The following IGSF11 variants were observed in gnomAD, a reference collection of about 807,000 sequenced individuals.
The protein encoded by IGSF11 is CXADR like 1.
In IGSF11, 22 loss-of-function variants were observed where a neutral mutation model predicts 41.0. The observed-to-expected ratio is 0.54, with a 90% confidence interval of 0.38 to 0.77. The LOEUF is 0.77. Ranked by LOEUF, IGSF11 falls within the 30% of genes least tolerant of loss-of-function variation. The pLI is 0.00. For missense variants in IGSF11, 444 were observed against 530.8 expected (o/e 0.84, Z 1.61); for synonymous variants, 219 against 201.3 (o/e 1.09, Z -0.74).
chr3:119,132,934 A>C (rs1468400904), intron 1 of IGSF11, among the ~76,000 whole-genome samples: 3 of 152,220 alleles, frequency 2.0e-5, no homozygotes, highest in Non-Finnish European at 4.4e-5. Flanking sequence ...ACACAACTAC[A>C]TGGAAACTGA....
chr3:118,945,202 G>GA (rs1297022594), intron 1 of IGSF11, among the ~76,000 whole-genome samples: 2 of 151,566 alleles, frequency 1.3e-5, no homozygotes, highest in Admixed American at 6.6e-5. Flanking sequence ...AATAAGCAGG[G>GA]AAAAAAAACC....
intron 1 of IGSF11, among the ~76,000 whole-genome samples, chr3:119,081,664 A>G (rs1370040462): frequency 6.6e-6 from 1 of 152,202 alleles, no homozygotes; most frequent in Non-Finnish European, 1.5e-5. Flanking sequence ...AGGGAGCCTC[A>G]ATTTCCTTAC....
chr3:119,076,127 C>A (rs1336799027), intron 1 of IGSF11, among the ~76,000 whole-genome samples: 1 of 152,214 alleles, frequency 6.6e-6, no homozygotes, highest in Non-Finnish European at 1.5e-5. Context: ...ACCATCTGAT[C>A]TTTGACAAAA....
chr3:119,046,294 C>T (rs1411213334), intron 1 of IGSF11, among the ~76,000 whole-genome samples: 3 of 151,250 alleles, frequency 2.0e-5, no homozygotes, highest in Non-Finnish European at 4.4e-5. Flanking sequence ...CAGAGAAGTG[C>T]TTAAAGGAGC....
At chr3:119,047,952 G>A (rs1052902603) in intron 1 of IGSF11, among the ~76,000 whole-genome samples, 3 of 152,050 alleles carry the variant, frequency 2.0e-5, no homozygotes, top group Admixed American at 1.3e-4. Flanking sequence ...AAACCAACGA[G>A]AACAAAGACA....
chr3:119,102,110 A>G (rs1370928892), intron 1 of IGSF11, among the ~76,000 whole-genome samples: 1 of 152,058 alleles, frequency 6.6e-6, no homozygotes, highest in African/African-American at 2.4e-5. Flanking sequence ...TGTAACCTCC[A>G]TGTTTATTTT....
intron 1 of IGSF11, among the ~76,000 whole-genome samples, chr3:119,043,097 C>A (rs1041459355): frequency 2.6e-5 from 4 of 152,174 alleles, no homozygotes; most frequent in Non-Finnish European, 4.4e-5. Flanking sequence ...GACTAGCGTT[C>A]AGCTTGATTT....
intron 1 of IGSF11, among the ~76,000 whole-genome samples, chr3:118,940,712 T>C (rs1048527542): frequency 6.6e-6 from 1 of 151,984 alleles, no homozygotes; most frequent in African/African-American, 2.4e-5. Context: ...TAGAATAGAA[T>C]AATTTTCAAG....
intron 1 of IGSF11, among the ~76,000 whole-genome samples, chr3:119,019,839 T>A (rs1239449021): frequency 6.6e-6 from 1 of 152,160 alleles, no homozygotes; most frequent in Non-Finnish European, 1.5e-5. Context: ...CTGATTGCTA[T>A]AGACTGAATG....
At chr3:119,084,966 G>T (rs1408961861) in intron 1 of IGSF11, among the ~76,000 whole-genome samples, 2 of 151,976 alleles carry the variant, frequency 1.3e-5, no homozygotes, top group Non-Finnish European at 2.9e-5. Context: ...ACAGGCTGGT[G>T]TGGAACCTAG....
chr3:118,920,195 G>T (rs1941621883), intron 4 of IGSF11, among the ~76,000 whole-genome samples: 1 of 149,502 alleles, frequency 6.7e-6, no homozygotes. Flanking sequence ...CACCAGCATG[G>T]CACATGTATA....
chr3:118,930,083 A>G (rs1942717060), intron 2 of IGSF11, 29 bp downstream of exon 2: 1 of 1,593,506 alleles, frequency 6.3e-7, no homozygotes, highest in African/African-American at 1.3e-5. Context: ...TTAACCTTTT[A>G]GAGGTAGCAC....
At chr3:119,137,902 CA>C (rs796827509) in intron 1 of IGSF11, among the ~76,000 whole-genome samples, 55 of 152,104 alleles carry the variant, frequency 3.6e-4, no homozygotes, top group South Asian at 2.7e-3. Context: ...GCAAAAGATC[CA>C]AATACACATT....
intron 1 of IGSF11, among the ~76,000 whole-genome samples, chr3:119,142,891 G>A (rs556726611): frequency 1.2e-4 from 18 of 152,166 alleles, no homozygotes; most frequent in African/African-American, 3.6e-4. Flanking sequence ...GATACTGAAG[G>A]TGAACAGTCA....
chr3:118,996,448 A>T (rs963604310), intron 1 of IGSF11, among the ~76,000 whole-genome samples: 3 of 152,126 alleles, frequency 2.0e-5, no homozygotes, highest in Non-Finnish European at 4.4e-5. Flanking sequence ...TTATACCTTG[A>T]TTTCTACAAC....
intron 1 of IGSF11, among the ~76,000 whole-genome samples, chr3:119,020,425 C>G (rs796088309): frequency 6.6e-6 from 1 of 152,192 alleles, no homozygotes; most frequent in Non-Finnish European, 1.5e-5. Flanking sequence ...CTCCAAAGAA[C>G]ACATACTACC....
chr3:118,982,212 G>C (rs976374971), intron 1 of IGSF11, among the ~76,000 whole-genome samples: 18 of 152,170 alleles, frequency 1.2e-4, no homozygotes, highest in East Asian at 3.9e-4. Flanking sequence ...AGCATCTAAG[G>C]CCATCTCCCT....
At chr3:119,024,945 A>T (rs981845969) in intron 1 of IGSF11, among the ~76,000 whole-genome samples, 1 of 152,196 alleles carries the variant, frequency 6.6e-6, no homozygotes, top group Admixed American at 6.5e-5. Context: ...TGTCCGTGAT[A>T]CAAAGGATTG....
intron 1 of IGSF11, among the ~76,000 whole-genome samples, chr3:118,975,190 G>C (rs146162130): frequency 8.4e-4 from 127 of 152,002 alleles, no homozygotes; most frequent in Middle Eastern, 3.4e-3. Context: ...ATTTTGCCTT[G>C]AACAAAAAAA....
Sources: allele counts gnomAD v4.1 joint callset (sites outside exome capture counted in the v4.1 genomes callset), GRCh38; gene constraint gnomAD v4.1.1; transcripts MANE v1.5; gene names NCBI Gene and HGNC (gene_info 2026-07-23, HGNC 2026-07-21).